FLT3: variants seen among roughly 807,000 people sequenced by gnomAD.
FLT3 encodes receptor-type tyrosine-protein kinase FLT3.
Under a neutral mutation model 126.6 loss-of-function variants are expected in FLT3, and 46 were observed. The ratio of observed to expected loss-of-function variants is 0.36; its 90% CI spans 0.29 to 0.46. FLT3 has a LOEUF of 0.46. Ranked by LOEUF, FLT3 falls within the 20% of genes least tolerant of loss-of-function variation. FLT3 has a pLI of 1.00. For synonymous variants in FLT3, 404 were observed against 434.4 expected (o/e 0.93, Z 0.87); for missense variants, 1,069 against 1,190.3 (o/e 0.90, Z 1.50).
chr13:28,059,284 C>T (rs973971685), intron 3 of FLT3, among the ~76,000 whole-genome samples: 14 of 152,084 alleles, frequency 9.2e-5, no homozygotes, highest in Non-Finnish European at 1.5e-5. Flanking sequence ...CTACATAGTT[C>T]CTGGAAAGCG....
intron 2 of FLT3, chr13:28,067,836 C>A: frequency 7.7e-6 from 2 of 261,016 alleles, no homozygotes; most frequent in Non-Finnish European, 1.5e-5. Context: ...AACCAACAAA[C>A]AAACAAATCA....
chr13:28,033,402 G>T (rs1475951283), intron 15 of FLT3, among the ~76,000 whole-genome samples: 1 of 152,190 alleles, frequency 6.6e-6, no homozygotes, highest in South Asian at 2.1e-4. Flanking sequence ...AGTGGCTCAC[G>T]CCTGTAATCC....
At chr13:28,038,509 G>A (rs1461787481) in intron 9 of FLT3, among the ~76,000 whole-genome samples, 1 of 150,226 alleles carries the variant, frequency 6.7e-6, no homozygotes, top group Non-Finnish European at 1.5e-5. Flanking sequence ...CTGGAGTGCA[G>A]TGGCGCTATC....
intron 16 of FLT3, 83 bp downstream of exon 16, chr13:28,028,095 G>A (rs1872971677): frequency 1.5e-6 from 1 of 675,858 alleles, no homozygotes; most frequent in Admixed American, 2.2e-5. Context: ...TAAAAAGAGA[G>A]AGAGAGAGAG....
chr13:28,058,634 G>T (rs190734148), intron 3 of FLT3, among the ~76,000 whole-genome samples: 6 of 152,292 alleles, frequency 3.9e-5, no homozygotes, highest in African/African-American at 1.4e-4. Flanking sequence ...TGACAAAGAT[G>T]TAGAATCTCA....
chr13:28,055,157 A>C (rs994947407), intron 4 of FLT3, among the ~76,000 whole-genome samples: 27 of 152,160 alleles, frequency 1.8e-4, no homozygotes, highest in African/African-American at 6.0e-4. Flanking sequence ...CCATATGAAA[A>C]TCTTTCAAAT....
intron 2 of FLT3, among the ~76,000 whole-genome samples, chr13:28,062,471 G>A (rs577561368): frequency 8.3e-4 from 126 of 152,126 alleles, no homozygotes; most frequent in African/African-American, 2.7e-3. Context: ...GGCAGGGCAC[G>A]GTGGCTCACA....
chr13:28,034,275 T>C (rs2137676934), intron 13 of FLT3, 26 bp downstream of exon 13: 1 of 1,613,142 alleles, frequency 6.2e-7, no homozygotes, highest in Non-Finnish European at 8.5e-7. Context: ...GAGGAAAGAA[T>C]AATGAATTTT....
intron 2 of FLT3, among the ~76,000 whole-genome samples, chr13:28,070,228 T>A (rs150191470): frequency 6.6e-6 from 1 of 152,310 alleles, no homozygotes; most frequent in African/African-American, 2.4e-5. Context: ...CCCCGCTGTA[T>A]ACCAAGGGAC....
At chr13:28,091,208 T>TC (rs1879016779) in intron 1 of FLT3, among the ~76,000 whole-genome samples, 1 of 48,366 alleles carries the variant, frequency 2.1e-5, no homozygotes, top group Non-Finnish European at 4.1e-5. Context: ...CCCCATTTTC[T>TC]TTTTTTTTTT....
At chr13:28,089,225 G>C (rs1432072443) in intron 1 of FLT3, among the ~76,000 whole-genome samples, 1 of 152,186 alleles carries the variant, frequency 6.6e-6, no homozygotes, top group Non-Finnish European at 1.5e-5. Flanking sequence ...ATGACCTTGA[G>C]CAAATGCAAT....
At chr13:28,079,458 C>T (rs1348275447) in intron 1 of FLT3, among the ~76,000 whole-genome samples, 1 of 152,200 alleles carries the variant, frequency 6.6e-6, no homozygotes, top group Non-Finnish European at 1.5e-5. Context: ...TCCAAAGACA[C>T]TTCCACATTT....
intron 1 of FLT3, among the ~76,000 whole-genome samples, chr13:28,075,129 C>A (rs9513034): frequency 0.17 from 25,751 of 151,978 alleles, 2,394 homozygotes; most frequent in Middle Eastern, 0.27. Flanking sequence ...TATATACTCA[C>A]GGAGTATAAT....
At chr13:28,015,881 G>A (rs1194418406) in intron 20 of FLT3, among the ~76,000 whole-genome samples, 180 bp from the exon 21 acceptor site, 3 of 152,062 alleles carry the variant, frequency 2.0e-5, no homozygotes, top group Admixed American at 2.0e-4. Context: ...AATAATACTA[G>A]CCTAAAACAT....
intron 3 of FLT3, among the ~76,000 whole-genome samples, chr13:28,058,907 C>T (rs1296273673): frequency 1.6e-4 from 25 of 152,110 alleles, no homozygotes; most frequent in Admixed American, 1.6e-3. Context: ...GTTTGGGAGG[C>T]GAGGTAGGAG....
chr13:28,087,146 T>C (rs948651500), intron 1 of FLT3, among the ~76,000 whole-genome samples: 5 of 152,214 alleles, frequency 3.3e-5, no homozygotes, highest in African/African-American at 1.2e-4. Context: ...CATAGCTCAC[T>C]ACAGCCTTGA....
intron 9 of FLT3, among the ~76,000 whole-genome samples, chr13:28,046,926 A>T (rs914261478): frequency 2.0e-5 from 3 of 152,012 alleles, no homozygotes; most frequent in African/African-American, 7.2e-5. Context: ...TATATTTTAC[A>T]TTCTTTTTTT....
At position 28,045,585 on chromosome 13, in the gene FLT3, C is replaced by T. The variant is rs535519632; in HGVS notation, c.1205+2690G>A. Among the ~76,000 whole-genome samples, 221 of 152,216 alleles carry T rather than the reference C, an allele frequency of 1.5e-3. 1 individual carries two copies. The highest frequency in any genetic ancestry group is 4.7e-3 in the African/African-American group (196 of 41,554). On this transcript the variant is annotated intron_variant, in intron 9 of 23. Coordinates refer to ENST00000241453, the MANE Select transcript of FLT3 (RefSeq NM_004119.3). ...ACATTTAAAAGCTTGATGGGCCAGG[C>T]GCGGTGGCTCACGCCTGTAATCCCA...
chr13:28,026,642 G>C (rs1433350055), intron 17 of FLT3, among the ~76,000 whole-genome samples: 3 of 150,908 alleles, frequency 2.0e-5, no homozygotes, highest in Non-Finnish European at 4.4e-5. Flanking sequence ...CCCATCACGT[G>C]TCGATCAATC....
Sources: allele counts gnomAD v4.1 joint callset (sites outside exome capture counted in the v4.1 genomes callset), GRCh38; gene constraint gnomAD v4.1.1; transcripts MANE v1.5; gene names NCBI Gene and HGNC (gene_info 2026-07-23, HGNC 2026-07-21).